KLF15: variants seen among roughly 807,000 people sequenced by gnomAD.
KLF15 encodes KLF transcription factor 15.
In KLF15, 4 loss-of-function variants were observed where a neutral mutation model predicts 24.6. The observed-to-expected ratio is 0.16, with a 90% confidence interval of 0.08 to 0.37. KLF15 has a LOEUF of 0.37. Ranked by LOEUF, KLF15 falls within the 10% of genes least tolerant of loss-of-function variation. The probability of loss-of-function intolerance (pLI) is 1.00; values close to 1 mark genes in which losing one functional copy is unlikely to be tolerated. For missense variants in KLF15, 496 were observed against 560.6 expected, an observed-to-expected ratio of 0.88 and a Z score of 1.16; for synonymous variants, 246 against 236.3, an observed-to-expected ratio of 1.04 and a Z score of -0.37.
rs759213231 is a variant in KLF15, at chr3:126,356,084, C to A, written c.-26+1153G>T. On this transcript the variant is annotated intron_variant, in intron 1 of 2. Transcript: ENST00000296233. This position sits in a 1 kb window ranked among gnomAD's most constrained non-coding sequence, Gnocchi z 4.4. ...TATCCTCCCGGGGACACAGCGGCTG[C>A]AGGAACAACATGTAATTGATAACAA... Among the ~76,000 whole-genome samples the A allele has an allele frequency of 9.9e-5, 15 of 152,160 alleles. No homozygotes were observed. Among genetic ancestry groups the A allele is most frequent in the Non-Finnish European group, 1.9e-4 (13 of 68,020 alleles).
rs767147014 is a variant in KLF15, at chr3:126,352,268, C to T, written c.655G>A (p.Val219Met). 6.5e-7 allele frequency: 1 copy of T among 1,540,112 alleles called. No individual in the cohort carries two copies. The highest frequency in any genetic ancestry group is 2.0e-5 in the Admixed American group (1 of 49,490). Residue 219 changes from valine (V) to methionine (M), a missense_variant, in exon 2 of 3, where the codon GTG (valine) becomes ATG (methionine). This residue lies in a region of KLF15 where 399 missense variants were observed against 423.1 expected (regional missense o/e 0.94). Coordinates refer to ENST00000296233, the MANE Select transcript of KLF15 (RefSeq NM_014079.4). ...GGCACGGGCTGGATCTGCAGCAACACTGGGATGGGGCCATCAGGCGTGGGG... is the reference window on the plus strand; with the variant it reads ...GGCACGGGCTGGATCTGCAGCAACATTGGGATGGGGCCATCAGGCGTGGGG... ...GGPTPDGPIP[V>M]LLQIQPVPVK...
the KLF15 span, among the ~76,000 whole-genome samples, chr3:126,327,599 T>C: frequency 6.6e-6 from 1 of 152,104 alleles, no homozygotes; most frequent in Admixed American, 6.5e-5. Flanking sequence ...AGGTCTGCAG[T>C]CTTCCCCCAG....
At position 126,356,229 on chromosome 3, in the gene KLF15, G is replaced by T. The variant is rs1476089325; in HGVS notation, c.-26+1008C>A. Among the ~76,000 whole-genome samples the T allele has an allele frequency of 2.0e-5, 3 of 152,162 alleles. No individual in the cohort carries two copies. Among genetic ancestry groups the T allele is most frequent in the Admixed American group, 6.5e-5 (1 of 15,286 alleles). ...TGAGCCGCCCGCAGGCCCCAAAGTCGCAGAGTCCGGGCGTCCTCACACCTG... is the reference window on the plus strand; with the variant it reads ...TGAGCCGCCCGCAGGCCCCAAAGTCTCAGAGTCCGGGCGTCCTCACACCTG... On this transcript the variant is annotated intron_variant, in intron 1 of 2. Transcript: ENST00000296233. The surrounding 1 kb of genome is among the most constrained non-coding windows in gnomAD (Gnocchi z 4.4).
the KLF15 span, among the ~76,000 whole-genome samples, chr3:126,298,762 G>A: frequency 6.6e-6 from 1 of 152,134 alleles, no homozygotes; most frequent in African/African-American, 2.4e-5. Context: ...CATTGTTGAA[G>A]ATCAGTTGGC....
the KLF15 span, among the ~76,000 whole-genome samples, chr3:126,303,375 T>C: frequency 6.6e-6 from 1 of 152,070 alleles, no homozygotes; most frequent in African/African-American, 2.4e-5. Flanking sequence ...TTTCTTTACT[T>C]TGCCTTTGTT....
chr3:126,330,669 A>G, the KLF15 span, among the ~76,000 whole-genome samples: 1 of 151,982 alleles, frequency 6.6e-6, no homozygotes, highest in Non-Finnish European at 1.5e-5. Context: ...GCCTTGAGAG[A>G]CTTAACAAGA....
the KLF15 span, among the ~76,000 whole-genome samples, chr3:126,311,800 C>T: frequency 6.6e-6 from 1 of 152,224 alleles, no homozygotes; most frequent in East Asian, 1.9e-4. Context: ...TGTCAAGCTT[C>T]CTTCCTGCCT....
rs1388675839 is a variant in KLF15, at chr3:126,356,575, C to T, written c.-26+662G>A. Among the ~76,000 whole-genome samples, 2 of 152,020 alleles carry T rather than the reference C, an allele frequency of 1.3e-5. No homozygotes were observed. The highest frequency in any genetic ancestry group is 6.5e-5 in the Admixed American group (1 of 15,278). ...GAGACGCGTGAACGGTGCGGGTGTG[C>T]GTGAAGGGGTGTGAGTTCCTGTCGT... On this transcript the variant is annotated intron_variant, in intron 1 of 2. Transcript: ENST00000296233. This position sits in a 1 kb window ranked among gnomAD's most constrained non-coding sequence, Gnocchi z 4.4.
In KLF15 at chr3:126,343,738, A is replaced by G. The variant is rs199917664; in HGVS notation, c.1240T>C (p.Ser414Pro). ...GGTTCAGGGCGCTTTCAGTTCACGG[A>G]GCGCACGGAGCGGCTGCTCCGCGGG... ...RFPRSSRSVR[S>P]VN Residue 414 changes from serine (S) to proline (P), a missense_variant, in exon 3 of 3, where the codon TCC becomes CCC. This residue lies in a region of KLF15 where 38 missense variants were observed against 31.5 expected (regional missense o/e 1.21). Transcript: ENST00000296233. The G allele has an allele frequency of 2.0e-5, 33 of 1,611,102 alleles. No homozygotes were observed. In the East Asian group the frequency reaches 7.2e-4, roughly 35 times the overall value.
downstream of KLF15, among the ~76,000 whole-genome samples, chr3:126,340,404 C>T (rs1277363368): frequency 6.6e-6 from 1 of 152,222 alleles, no homozygotes; most frequent in Non-Finnish European, 1.5e-5. Context: ...AGCCAAGGGG[C>T]ATTGGAGGAG....
At position 126,343,695 on chromosome 3, in the gene KLF15, G is replaced by C. The variant is rs780791397; in HGVS notation, c.*32C>G. 1 of 1,593,616 alleles carries C rather than the reference G, an allele frequency of 6.3e-7. No individual in the cohort carries two copies. Among genetic ancestry groups the C allele is most frequent in the South Asian group, 1.1e-5 (1 of 88,186 alleles). ...AAAATGGGGATGGGGTGGGGATCCG[G>C]GGTGACGGACAGGCTGGGGTTCAGG... On this transcript the variant is annotated 3_prime_UTR_variant, in exon 3 of 3. Transcript: ENST00000296233.
At chr3:126,302,876 GT>G in the KLF15 span, among the ~76,000 whole-genome samples, 2 of 152,024 alleles carry the variant, frequency 1.3e-5, no homozygotes, top group Non-Finnish European at 2.9e-5. Flanking sequence ...TATCTGGAGT[GT>G]CATGACCATT....
chr3:126,316,826 G>A, the KLF15 span, among the ~76,000 whole-genome samples: 11 of 152,074 alleles, frequency 7.2e-5, no homozygotes, highest in African/African-American at 9.7e-5. Context: ...CTCAGAGCCC[G>A]TGGCTGGCAC....
At chr3:126,309,285 G>A in the KLF15 span, among the ~76,000 whole-genome samples, 25 of 152,342 alleles carry the variant, frequency 1.6e-4, 1 homozygote, top group South Asian at 4.1e-3. Flanking sequence ...ACAGCCCTGC[G>A]CTCTGGCCGG....
At chr3:126,294,128 T>A in the KLF15 span, 11 of 152,390 alleles carry the variant, frequency 7.2e-5, no homozygotes, top group African/African-American at 2.4e-4. Context: ...AGGTAATGCC[T>A]TTTTGGAAAT....
At chr3:126,323,435 AACATATATATGT>A in the KLF15 span, among the ~76,000 whole-genome samples, 19 of 54,838 alleles carry the variant, frequency 3.5e-4, 1 homozygote, top group African/African-American at 1.2e-3. Flanking sequence ...ATATATATAT[AACATATATATGT>A]TATATATATA....
the KLF15 span, among the ~76,000 whole-genome samples, chr3:126,328,230 C>T: frequency 7.4e-4 from 113 of 152,292 alleles, no homozygotes; most frequent in African/African-American, 2.5e-3. Context: ...AGTCTCCAAT[C>T]TCATTTAGGT....
the KLF15 span, among the ~76,000 whole-genome samples, chr3:126,295,125 TATAC>T: frequency 6.6e-6 from 1 of 152,188 alleles, no homozygotes; most frequent in Non-Finnish European, 1.5e-5. Context: ...CACACATGCA[TATAC>T]ATACATATAC....
chr3:126,352,734 G>A lies in KLF15; in HGVS notation c.189C>T (p.Cys63=). The change falls in exon 2 of 3, where the codon TGC becomes TGT. Residue 63 remains cysteine, a synonymous_variant. Transcript: ENST00000296233. Reference sequence around the variant, plus strand: ...TCTCGGTGCCCAGGCCTCCACCATAGCAGGAGCAGAGGGCTTGAGAGTCGG... The same window carrying A: ...TCTCGGTGCCCAGGCCTCCACCATAACAGGAGCAGAGGGCTTGAGAGTCGG... ...SSPDSQALCS[C]YGGGLGTESQ... is the part of the protein sequence containing the mutation. The A allele has an allele frequency of 5.7e-6, 9 of 1,574,290 alleles. No homozygotes were observed. Among genetic ancestry groups the A allele is most frequent in the African/African-American group, 1.4e-5 (1 of 74,046 alleles).
Sources: allele counts gnomAD v4.1 joint callset (sites outside exome capture counted in the v4.1 genomes callset), GRCh38; gene constraint gnomAD v4.1.1; regional missense constraint gnomAD v4.1.1; non-coding constraint Gnocchi (gnomAD v3.1); transcripts MANE v1.5; gene names NCBI Gene and HGNC (gene_info 2026-07-23, HGNC 2026-07-21).